Variants in RAPGEF2 observed in about 807,000 individuals in gnomAD.
RAPGEF2 encodes the protein PDZ domain containing guanine nucleotide exchange factor (GEF) 1.
In RAPGEF2, 54 loss-of-function variants were observed where a neutral mutation model predicts 186.7. The ratio of observed to expected loss-of-function variants is 0.29; its 90% CI spans 0.23 to 0.36. The LOEUF is 0.36. RAPGEF2 is among the 10% of genes least tolerant of loss of function. RAPGEF2 has a pLI of 1.00. For missense variants in RAPGEF2, 1,532 were observed against 2,045.0 expected (o/e 0.75, Z 4.84); for synonymous variants, 712 against 705.9 (o/e 1.01, Z -0.14).
chr4:159,117,293 A>G (rs1739148741), intron 1 of RAPGEF2, among the ~76,000 whole-genome samples: 1 of 152,226 alleles, frequency 6.6e-6, no homozygotes, highest in African/African-American at 2.4e-5. Flanking sequence ...GCTTTAGGGC[A>G]AACATTTTCT....
intron 26 of RAPGEF2, chr4:159,350,984 A>G (rs557012980): frequency 1.4e-6 from 2 of 1,422,198 alleles, no homozygotes; most frequent in South Asian, 1.3e-5. Context: ...ACATCTGTGC[A>G]TTTTGTATGG....
At chr4:159,199,792 C>CT in intron 3 of RAPGEF2, among the ~76,000 whole-genome samples, 1 of 152,188 alleles carries the variant, frequency 6.6e-6, no homozygotes, top group African/African-American at 2.4e-5. Context: ...GAATTTGACT[C>CT]TGTCTCTGGG....
chr4:159,252,513 A>T (rs993025457), intron 7 of RAPGEF2, among the ~76,000 whole-genome samples: 14 of 152,218 alleles, frequency 9.2e-5, no homozygotes, highest in African/African-American at 3.4e-4. Context: ...AGCATCGTTG[A>T]TATTCTTGAT....
At chr4:159,168,227 CA>C (rs1363172355) in intron 1 of RAPGEF2, among the ~76,000 whole-genome samples, 2 of 152,096 alleles carry the variant, frequency 1.3e-5, no homozygotes, top group East Asian at 3.9e-4. Context: ...ACCCCTTTAC[CA>C]GGCTTAAGTC....
intron 7 of RAPGEF2, among the ~76,000 whole-genome samples, chr4:159,294,680 T>TTCCTTCCC (rs982810079): frequency 1.0e-4 from 15 of 147,890 alleles, no homozygotes; most frequent in African/African-American, 3.9e-4. Flanking sequence ...CCTTCCTTCC[T>TTCCTTCCC]TCCTTCCTTC....
Position 159,198,326 on chromosome 4 carries a change from CTTTCTTTCT to C in RAPGEF2, c.197+5074_197+5082del, listed in dbSNP as rs1428299322. Among the ~76,000 whole-genome samples the C allele has an allele frequency of 6.1e-3, 401 of 65,398 alleles. 22 individuals are homozygous for C. The highest frequency in any genetic ancestry group is 0.035 in the African/African-American group (281 of 7,946). 42.9% of individuals were successfully genotyped at this position (65,398 alleles called of 152,430 possible). On this transcript the variant is annotated intron_variant, in intron 3 of 29. Coordinates refer to ENST00000691494, the MANE Select transcript of RAPGEF2 (RefSeq NM_001394067.2). The stretch of plus-strand genomic sequence containing the variant: ...TCTTTCTTTCTTTCTTTCTTTCTTT[CTTTCTTTCT>C]TTTTCTTTCTCTCTCTTTCCTTCCT...
chr4:159,201,835 T>C (rs944026310), intron 3 of RAPGEF2, among the ~76,000 whole-genome samples: 2 of 152,224 alleles, frequency 1.3e-5, no homozygotes, highest in Non-Finnish European at 2.9e-5. Flanking sequence ...GAGTTCCTTG[T>C]GGTCCCCATG....
At chr4:159,350,687 G>A (rs1171865239) in intron 26 of RAPGEF2, among the ~76,000 whole-genome samples, 2 of 152,020 alleles carry the variant, frequency 1.3e-5, no homozygotes, top group East Asian at 3.8e-4. Context: ...TATTAACACA[G>A]GTCTTGATTA....
At chr4:159,349,309 C>T (rs1244375706) in intron 25 of RAPGEF2, among the ~76,000 whole-genome samples, 1 of 152,092 alleles carries the variant, frequency 6.6e-6, no homozygotes, top group African/African-American at 2.4e-5. Context: ...TAGTGCCTTC[C>T]CAAATATCTC....
At chr4:159,352,657 A>T (rs775342322) in intron 26 of RAPGEF2, 28 bp from the exon 27 acceptor site, 2 of 1,547,258 alleles carry the variant, frequency 1.3e-6, no homozygotes, top group Non-Finnish European at 1.8e-6. Flanking sequence ...TAGAGAGTCT[A>T]ATTAATACGG....
chr4:159,336,394 A>T lies in RAPGEF2; in HGVS notation c.2136-1917A>T, dbSNP rs186221778. ...GTATGCCTTTGCCTACTCATAGCTT[A>T]GCTCCCACTTATAAGTGAGAACATA... On this transcript the variant is annotated intron_variant, in intron 17 of 29. Transcript: ENST00000691494. 2.9e-3 allele frequency among the ~76,000 whole-genome samples: 436 copies of T among 152,266 alleles called. 3 individuals are homozygous for T. The highest frequency in any genetic ancestry group is 9.5e-3 in the African/African-American group (395 of 41,536).
At chr4:159,218,385 A>G (rs572204185) in intron 4 of RAPGEF2, among the ~76,000 whole-genome samples, 6 of 152,216 alleles carry the variant, frequency 3.9e-5, no homozygotes, top group Non-Finnish European at 8.8e-5. Flanking sequence ...TACCGTGGGA[A>G]AATATCACTA....
At chr4:159,338,912 A>G (rs147384638) in intron 18 of RAPGEF2, among the ~76,000 whole-genome samples, 10 of 152,300 alleles carry the variant, frequency 6.6e-5, no homozygotes, top group East Asian at 3.9e-4. Flanking sequence ...CTGTAGTTCA[A>G]TCTGTTATCT....
chr4:159,344,201 C>A, intron 23 of RAPGEF2, 142 bp downstream of exon 23: 1 of 801,914 alleles, frequency 1.2e-6, no homozygotes, highest in Non-Finnish European at 2.1e-6. Flanking sequence ...TTTCAGATGG[C>A]AAATTGACTT....
chr4:159,160,847 G>A (rs1482544627), intron 1 of RAPGEF2, among the ~76,000 whole-genome samples: 1 of 152,036 alleles, frequency 6.6e-6, no homozygotes, highest in Non-Finnish European at 1.5e-5. Context: ...ATCTTAAAGT[G>A]GAGTGTACTT....
At chr4:159,350,418 C>A in intron 26 of RAPGEF2, 129 bp downstream of exon 26, 4 of 726,830 alleles carry the variant, frequency 5.5e-6, no homozygotes, top group Non-Finnish European at 7.8e-6. Context: ...TTGCAATGCC[C>A]AATGGATTTT....
intron 1 of RAPGEF2, among the ~76,000 whole-genome samples, chr4:159,131,519 A>ATTGGTTTTTTTTTTTTTTTTTTTTTTT: frequency 2.7e-5 from 1 of 37,212 alleles, no homozygotes; most frequent in Non-Finnish European, 5.0e-5. Flanking sequence ...ATTAATTGCT[A>ATTGGTTTTTTTTTTTTTTTTTTTTTTT]TTTTTTTTTT....
intron 3 of RAPGEF2, among the ~76,000 whole-genome samples, chr4:159,198,278 CTT>C (rs1387321189): frequency 6.9e-4 from 4 of 5,812 alleles, no homozygotes; most frequent in South Asian, 0.013. Flanking sequence ...TTCCTTCTTT[CTT>C]TCTTTCTTTC....
At chr4:159,194,645 A>G (rs1367517745) in intron 3 of RAPGEF2, among the ~76,000 whole-genome samples, 2 of 152,214 alleles carry the variant, frequency 1.3e-5, no homozygotes, top group African/African-American at 4.8e-5. Flanking sequence ...CTTTAAAAAT[A>G]ACTCTTTAAT....
Sources: gnomAD v4.1 joint callset for allele counts (sites outside exome capture counted in the v4.1 genomes callset) on GRCh38, gnomAD v4.1.1 for gene constraint, MANE v1.5 for transcripts, NCBI Gene and HGNC (gene_info 2026-07-23, HGNC 2026-07-21) for gene names.